Variants in FGF1 observed in about 807,000 individuals in gnomAD.
FGF1 encodes beta-endothelial cell growth factor.
FGF1 carries 9 observed loss-of-function variants against 13.4 expected under a neutral mutation model. That is an observed-to-expected ratio of 0.67 (90% CI 0.40 to 1.17). FGF1 has a LOEUF of 1.17. FGF1 is among the 50% of genes most tolerant of loss of function. The pLI, the probability that FGF1 is intolerant of heterozygous loss-of-function variation, is 0.01. For missense variants in FGF1, 156 were observed against 192.7 expected (o/e 0.81, Z 1.13); for synonymous variants, 93 against 79.0 (o/e 1.18, Z -0.94).
chr5:142,678,767 A>G lies in FGF1; in HGVS notation c.-35+7190T>C, dbSNP rs114148368. On this transcript the variant is annotated intron_variant, in intron 1 of 3. Coordinates refer to ENST00000337706, the MANE Select transcript of FGF1 (RefSeq NM_000800.5). Reference sequence around the variant, plus strand: ...TTTCTGTGTCCTTCAAATGATGCCAAAGAAGGGGCTGCCTAGTCCACTGCA... The same window carrying G: ...TTTCTGTGTCCTTCAAATGATGCCAGAGAAGGGGCTGCCTAGTCCACTGCA... 7.0e-3 allele frequency among the ~76,000 whole-genome samples: 1,062 copies of G among 152,342 alleles called. 9 individuals are homozygous for G. Among genetic ancestry groups the G allele is most frequent in the African/African-American group, 0.024 (1,010 of 41,568 alleles).
At chr5:142,604,251 A>G (rs1757171877) in intron 2 of FGF1, among the ~76,000 whole-genome samples, 1 of 152,226 alleles carries the variant, frequency 6.6e-6, no homozygotes, top group Non-Finnish European at 1.5e-5. Context: ...GGTGAATTGT[A>G]TGGTATGTGT....
intron 1 of FGF1, among the ~76,000 whole-genome samples, chr5:142,667,687 C>T (rs949898290): frequency 2.6e-5 from 4 of 151,958 alleles, no homozygotes; most frequent in African/African-American, 9.7e-5. Context: ...ATGACAGGAG[C>T]GGCTGTCCTC....
intron 1 of FGF1, among the ~76,000 whole-genome samples, chr5:142,633,700 T>C (rs1298618912): frequency 6.6e-6 from 1 of 152,214 alleles, no homozygotes; most frequent in Non-Finnish European, 1.5e-5. Flanking sequence ...GAAAGCAGCT[T>C]TGGACTTGCC....
At chr5:142,693,623 C>A (rs1468312761) in intron 2 of FGF1, among the ~76,000 whole-genome samples, 1 of 152,180 alleles carries the variant, frequency 6.6e-6, no homozygotes, top group Non-Finnish European at 1.5e-5. Flanking sequence ...GCCATCACAA[C>A]TATAATTTTA....
chr5:142,697,514 G>A (rs1479550882), intron 2 of FGF1: 1 of 152,472 alleles, frequency 6.6e-6, no homozygotes, highest in Non-Finnish European at 1.5e-5. Context: ...GATCAGGGAG[G>A]AGAACAGGAA....
chr5:142,621,022 A>G (rs994854590), intron 1 of FGF1, among the ~76,000 whole-genome samples: 4 of 152,176 alleles, frequency 2.6e-5, no homozygotes, highest in Non-Finnish European at 5.9e-5. Context: ...GCACAGACCC[A>G]GCACCTGTCT....
intron 1 of FGF1, among the ~76,000 whole-genome samples, chr5:142,664,445 C>T (rs17099186): frequency 0.038 from 5,778 of 152,256 alleles, 148 homozygotes; most frequent in Middle Eastern, 0.095. Flanking sequence ...GTCTTTGGGA[C>T]GAATTAGATC....
chr5:142,619,631 C>T (rs533455624), intron 1 of FGF1, among the ~76,000 whole-genome samples: 13 of 152,220 alleles, frequency 8.5e-5, no homozygotes, highest in African/African-American at 1.7e-4. Context: ...TGCTTATCTT[C>T]GTGACCAGCC....
chr5:142,597,554 C>T (rs1048721350), intron 3 of FGF1, among the ~76,000 whole-genome samples: 1 of 152,120 alleles, frequency 6.6e-6, no homozygotes. Flanking sequence ...ACTTTCTATT[C>T]GTCAAGATCT....
intron 1 of FGF1, among the ~76,000 whole-genome samples, chr5:142,638,180 TC>T (rs1242799150): frequency 3.9e-5 from 6 of 151,968 alleles, no homozygotes; most frequent in African/African-American, 1.5e-4. Context: ...GCCTGAGAGT[TC>T]CCCAGCTTTG....
At chr5:142,642,235 G>GC (rs1765317934) in intron 1 of FGF1, among the ~76,000 whole-genome samples, 1 of 152,170 alleles carries the variant, frequency 6.6e-6, no homozygotes, top group Non-Finnish European at 1.5e-5. Context: ...ACCAGGAATG[G>GC]CCCAGGAAGA....
intron 1 of FGF1, among the ~76,000 whole-genome samples, chr5:142,625,340 A>T (rs1004462521): frequency 6.8e-6 from 1 of 147,948 alleles, no homozygotes; most frequent in Admixed American, 6.7e-5. Context: ...ACACACACAC[A>T]CACACACACA....
At chr5:142,661,981 C>T (rs918306455) in intron 1 of FGF1, among the ~76,000 whole-genome samples, 2 of 151,744 alleles carry the variant, frequency 1.3e-5, no homozygotes, top group Non-Finnish European at 2.9e-5. Flanking sequence ...GCCTGGGCGA[C>T]AGAGCAAGAC....
At chr5:142,691,125 A>T (rs1408261415) in intron 2 of FGF1, among the ~76,000 whole-genome samples, 5 of 152,112 alleles carry the variant, frequency 3.3e-5, no homozygotes, top group African/African-American at 1.2e-4. Context: ...TTGTATTCAT[A>T]AAATGTTTAC....
At chr5:142,607,333 C>T (rs1757908675) in intron 2 of FGF1, among the ~76,000 whole-genome samples, 2 of 152,188 alleles carry the variant, frequency 1.3e-5, no homozygotes, top group African/African-American at 4.8e-5. Context: ...GGAGCAAGCA[C>T]TCTTCTTTAT....
At chr5:142,619,141 A>G (rs1285690220) in intron 1 of FGF1, among the ~76,000 whole-genome samples, 1 of 151,788 alleles carries the variant, frequency 6.6e-6, no homozygotes, top group Non-Finnish European at 1.5e-5. Flanking sequence ...TCACCGTGTT[A>G]GCCAAGATGG....
At chr5:142,665,293 T>C (rs1770085131) in intron 1 of FGF1, among the ~76,000 whole-genome samples, 1 of 151,738 alleles carries the variant, frequency 6.6e-6, no homozygotes, top group African/African-American at 2.4e-5. Context: ...CTGCCCCTCG[T>C]CCACCCCCTT....
In FGF1 at chr5:142,608,616, GA is replaced by G. The variant is rs34214870; in HGVS notation, c.169+5342del. ...CACACACATATATGTAAATATATAT[GA>G]AAAAAAAAACCTTATCTTAAAAGGT... is the stretch of plus-strand genomic sequence containing the variant. On this transcript the variant is annotated intron_variant, in intron 2 of 3. Transcript: ENST00000337706. 6.8e-3 allele frequency among the ~76,000 whole-genome samples: 628 copies of G among 92,890 alleles called. 6 individuals carry two copies. The highest frequency in any genetic ancestry group is 0.014 in the African/African-American group (414 of 29,524). 60.9% of individuals were successfully genotyped at this position (92,890 alleles called of 152,430 possible). A position where few individuals can be genotyped will look rare whatever the true frequency, so the allele number is the denominator to read the frequency against.
chr5:142,653,000 T>G (rs1392265282), intron 1 of FGF1, among the ~76,000 whole-genome samples: 1 of 152,238 alleles, frequency 6.6e-6, no homozygotes, highest in Non-Finnish European at 1.5e-5. Context: ...CTCCTTCCTC[T>G]GTCTCGTTTT....
Sources: gnomAD v4.1 joint callset for allele counts (sites outside exome capture counted in the v4.1 genomes callset) on GRCh38, gnomAD v4.1.1 for gene constraint, MANE v1.5 for transcripts, NCBI Gene and HGNC (gene_info 2026-07-23, HGNC 2026-07-21) for gene names.